The following CNOT10 variants were observed in gnomAD, a reference collection of about 807,000 sequenced individuals.
The protein encoded by CNOT10 is CCR4-NOT transcription complex subunit 10, also known as CCR4-NOT transcription complex, subunit 10.
CNOT10 carries 30 observed loss-of-function variants against 94.6 expected under a neutral mutation model. The ratio of observed to expected loss-of-function variants is 0.32; its 90% CI spans 0.24 to 0.43. The LOEUF (loss-of-function observed/expected upper bound fraction) is 0.43, where lower values mean the gene tolerates loss of function less well. CNOT10 is among the 20% of genes least tolerant of loss of function. CNOT10 has a pLI of 1.00. For synonymous variants in CNOT10, 289 were observed against 301.6 expected (o/e 0.96, Z 0.43); for missense variants, 759 against 877.2 (o/e 0.87, Z 1.70).
chr3:32,690,278 A>G (rs1288674003), intron 1 of CNOT10, among the ~76,000 whole-genome samples: 1 of 152,092 alleles, frequency 6.6e-6, no homozygotes, highest in Non-Finnish European at 1.5e-5. Context: ...TCTTTTTTTT[A>G]AGCTTCAGCT....
intron 8 of CNOT10, among the ~76,000 whole-genome samples, 175 bp from the exon 9 acceptor site, chr3:32,725,275 A>T (rs1381030358): frequency 6.6e-6 from 1 of 152,238 alleles, no homozygotes; most frequent in Non-Finnish European, 1.5e-5. Flanking sequence ...AGATTTTAAA[A>T]GGAGTTTTAA....
intron 13 of CNOT10, among the ~76,000 whole-genome samples, chr3:32,746,322 C>T (rs973461507): frequency 6.6e-6 from 1 of 152,106 alleles, no homozygotes; most frequent in African/African-American, 2.4e-5. Flanking sequence ...AAAAACATTA[C>T]ATTTATTGTG....
chr3:32,759,888 A>G (rs936612401), intron 14 of CNOT10, among the ~76,000 whole-genome samples: 1 of 152,142 alleles, frequency 6.6e-6, no homozygotes, highest in Admixed American at 6.5e-5. Flanking sequence ...AATGTGATAA[A>G]TCTACTTTGA....
At chr3:32,694,713 C>G (rs1423630157) in intron 1 of CNOT10, among the ~76,000 whole-genome samples, 1 of 152,080 alleles carries the variant, frequency 6.6e-6, no homozygotes, top group Non-Finnish European at 1.5e-5. Flanking sequence ...CCTCAGCCTC[C>G]TGAGTAGCTG....
chr3:32,754,489 A>AATATATATATATATATATATAT (rs1553637888), intron 13 of CNOT10, among the ~76,000 whole-genome samples: 3 of 70,218 alleles, frequency 4.3e-5, no homozygotes, highest in African/African-American at 7.7e-5. Context: ...AAAAAAAAAA[A>AATATATATATATATATATATAT]ATACATATAT....
intron 8 of CNOT10, among the ~76,000 whole-genome samples, chr3:32,724,308 C>T (rs1479291756): frequency 2.8e-5 from 4 of 143,630 alleles, no homozygotes; most frequent in Non-Finnish European, 6.0e-5. Context: ...TGCAGTGGTG[C>T]GATCTCGGCT....
At chr3:32,752,884 C>T (rs889169723) in intron 13 of CNOT10, 20 of 334,234 alleles carry the variant, frequency 6.0e-5, no homozygotes, top group South Asian at 3.8e-4. Context: ...GTAGCAGCTC[C>T]GGCGGCAGCA....
intron 12 of CNOT10, among the ~76,000 whole-genome samples, chr3:32,735,631 C>T (rs780920681): frequency 2.0e-5 from 3 of 151,966 alleles, no homozygotes; most frequent in Non-Finnish European, 2.9e-5. Flanking sequence ...TACTTGAACC[C>T]GGGAGGCAGA....
At chr3:32,743,646 G>A (rs952580465) in intron 13 of CNOT10, among the ~76,000 whole-genome samples, 5 of 151,908 alleles carry the variant, frequency 3.3e-5, no homozygotes, top group East Asian at 1.9e-4. Context: ...ATACACACAC[G>A]CACAAAAAGT....
At chr3:32,701,189 G>A (rs1166276762) in intron 1 of CNOT10, among the ~76,000 whole-genome samples, 2 of 151,938 alleles carry the variant, frequency 1.3e-5, no homozygotes, top group Non-Finnish European at 2.9e-5. Flanking sequence ...CCAAGATTGT[G>A]CCACTGCAGT....
intron 5 of CNOT10, 131 bp downstream of exon 5, chr3:32,713,500 A>G: frequency 2.9e-6 from 2 of 683,332 alleles, no homozygotes; most frequent in Non-Finnish European, 4.6e-6. Flanking sequence ...TTAACAGCTT[A>G]AAGATACAAT....
Position 32,685,245 on chromosome 3 carries a change from C to T in CNOT10, c.-216C>T. ...GTGTATGGCGGGAGGCTGTGGCGGTCCCTTGGTGGGGAAGCTGTTGCTGTT... is the reference window on the plus strand; with the variant it reads ...GTGTATGGCGGGAGGCTGTGGCGGTTCCTTGGTGGGGAAGCTGTTGCTGTT... On this transcript the variant is annotated 5_prime_UTR_variant, in exon 1 of 19. Transcript: ENST00000328834. The T allele has an allele frequency of 1.9e-6, 1 of 536,760 alleles. No homozygotes were observed. 33.2% of individuals were successfully genotyped at this position (536,760 alleles called of 1,614,324 possible).
At chr3:32,693,874 G>A (rs1011765895) in intron 1 of CNOT10, among the ~76,000 whole-genome samples, 4 of 152,112 alleles carry the variant, frequency 2.6e-5, no homozygotes, top group Non-Finnish European at 4.4e-5. Context: ...AATTTAAAAT[G>A]TATAATTGAC....
intron 4 of CNOT10, 22 bp downstream of exon 4, chr3:32,708,842 A>G: frequency 6.3e-7 from 1 of 1,589,188 alleles, no homozygotes; most frequent in South Asian, 1.1e-5. Context: ...GTCAAGTCAA[A>G]AATTTCCCTA....
chr3:32,761,659 G>A (rs1453705336), intron 14 of CNOT10, among the ~76,000 whole-genome samples: 1 of 151,782 alleles, frequency 6.6e-6, no homozygotes, highest in African/African-American at 2.4e-5. Flanking sequence ...CAGTTCAAGG[G>A]ATTCTCCTGC....
intron 15 of CNOT10, among the ~76,000 whole-genome samples, chr3:32,763,921 A>G (rs537684196): frequency 4.6e-5 from 7 of 152,314 alleles, no homozygotes; most frequent in Admixed American, 2.6e-4. Flanking sequence ...ACCTAAGGTC[A>G]GGAGTTCAAG....
At chr3:32,731,757 G>T (rs1225754727) in intron 10 of CNOT10, among the ~76,000 whole-genome samples, 1 of 152,124 alleles carries the variant, frequency 6.6e-6, no homozygotes, top group African/African-American at 2.4e-5. Flanking sequence ...GATTACAGGT[G>T]TGAGCCACCT....
At chr3:32,759,881 GT>G (rs1700370076) in intron 14 of CNOT10, among the ~76,000 whole-genome samples, 1 of 152,094 alleles carries the variant, frequency 6.6e-6, no homozygotes. Flanking sequence ...TGTGGTCAAT[GT>G]GATAAATCTA....
rs570340993 is a variant in CNOT10, at chr3:32,752,342, G to A, written c.1596-7116G>A. Among the ~76,000 whole-genome samples, 5 of 152,254 alleles carry A rather than the reference G, an allele frequency of 3.3e-5. No homozygotes were observed. The East Asian group carries it at 9.6e-4, about 29-fold the overall frequency. On this transcript the variant is annotated intron_variant, in intron 13 of 18. Coordinates refer to ENST00000328834, the MANE Select transcript of CNOT10 (RefSeq NM_015442.3). ...TGCCACTCTGTGGAAACCCCACAGG[G>A]CCACTAATGTGGATAAATCATTTAA...
Sources: gnomAD v4.1 joint callset for allele counts (sites outside exome capture counted in the v4.1 genomes callset) on GRCh38, gnomAD v4.1.1 for gene constraint, MANE v1.5 for transcripts, NCBI Gene and HGNC (gene_info 2026-07-23, HGNC 2026-07-21) for gene names.